The following CARMIL3 variants were observed in gnomAD, a reference collection of about 807,000 sequenced individuals.
CARMIL3 encodes capping protein, Arp2/3 and myosin-I linker protein 3.
CARMIL3 carries 88 observed loss-of-function variants against 180.8 expected under a neutral mutation model. The observed-to-expected ratio is 0.49, with a 90% confidence interval of 0.41 to 0.58. The LOEUF (loss-of-function observed/expected upper bound fraction) is 0.58, where lower values mean the gene tolerates loss of function less well. CARMIL3 is among the 20% of genes least tolerant of loss of function. The pLI is 0.00. For synonymous variants in CARMIL3, 696 were observed against 714.5 expected (o/e 0.97, Z 0.41); for missense variants, 1,548 against 1,787.0 (o/e 0.87, Z 2.41).
chr14:24,061,691 G>A lies in CARMIL3; in HGVS notation c.2480+19G>A. Reference sequence around the variant, plus strand: ...AGCTGGAGTGAGAGGCAAAGGGCAGGGCTGGGGCTGAGCTGGATTTGGCCC... The same window carrying A: ...AGCTGGAGTGAGAGGCAAAGGGCAGAGCTGGGGCTGAGCTGGATTTGGCCC... On this transcript the variant is annotated intron_variant, in intron 27 of 39. Transcript: ENST00000342740. The surrounding 1 kb of genome is among the most constrained non-coding windows in gnomAD (Gnocchi z 4.1). The A allele has an allele frequency of 6.2e-7, 1 of 1,606,924 alleles. No homozygotes were observed. The highest frequency in any genetic ancestry group is 8.5e-7 in the Non-Finnish European group (1 of 1,175,526).
At chr14:24,052,598 C>T (rs73603036) in intron 1 of CARMIL3, among the ~76,000 whole-genome samples, 3 of 152,324 alleles carry the variant, frequency 2.0e-5, no homozygotes, top group African/African-American at 7.2e-5. Flanking sequence ...CTGACCGCTG[C>T]GTGGCTTAAC....
rs749822575 is a variant in CARMIL3 at position 24,058,790 on chromosome 14, G to T, written c.1474+29G>T. ...AGTAGTGGTTCCTCCCTTCCCTGGG[G>T]CCAGGGGAGAACAGGGGCCTGGAGC... On this transcript the variant is annotated intron_variant, in intron 18 of 39. Transcript: ENST00000342740. The surrounding 1 kb of genome is among the most constrained non-coding windows in gnomAD (Gnocchi z 6.4). 6.2e-6 allele frequency: 10 copies of T among 1,612,612 alleles called. No individual in the cohort carries two copies. The South Asian group carries it at 6.6e-5, about 11-fold the overall frequency.
rs1158002306 is a variant in CARMIL3 at position 24,064,276 on chromosome 14, G to T, written c.3010G>T (p.Gly1004Trp). The change falls in exon 32 of 40, where the codon GGG becomes TGG. Residue 1004 changes from glycine (G) to tryptophan (W), a missense_variant. Physicochemically the swap from Gly to Trp is radical, Grantham distance 184. Around this residue, in one of 4 missense-constraint regions of CARMIL3, gnomAD observed 668 missense variants for 687.8 expected, o/e 0.97. Coordinates refer to ENST00000342740, the MANE Select transcript of CARMIL3 (RefSeq NM_138360.4). ...AGCACCTGGGACTCGTCAGGAGAAT[G>T]GGATGGCCACCCGCCTGGATGAAGG... Reference protein sequence around the residue: ...MPAPGTRQENGMATRLDEGLE... With the variant: ...MPAPGTRQENWMATRLDEGLE... 1 of 1,612,906 alleles carries T rather than the reference G, an allele frequency of 6.2e-7. No individual in the cohort carries two copies. Among genetic ancestry groups the T allele is most frequent in the Non-Finnish European group, 8.5e-7 (1 of 1,179,496 alleles).
Position 24,065,113 on chromosome 14 carries a change from T to TGCCCA in CARMIL3, c.3236_3237insGCCCA (p.Pro1081ThrfsTer149). 7.0e-7 allele frequency: 1 copy of TGCCCA among 1,435,696 alleles called. No individual in the cohort carries two copies. Among genetic ancestry groups the TGCCCA allele is most frequent in the Non-Finnish European group, 9.3e-7 (1 of 1,070,216 alleles). The allele number at this position is 1,435,696 out of a possible 1,614,324, so 88.9% of individuals were successfully genotyped here. On this transcript the variant is annotated frameshift_variant, in exon 33 of 40. Coordinates refer to ENST00000342740, the MANE Select transcript of CARMIL3 (RefSeq NM_138360.4). LOFTEE classifies it high-confidence loss of function. ...GGGTCCCCTACCACTGGACTCCTCCTCCCTCCACCCCCACCCCCTCCCCCG... is the reference window on the plus strand; with the variant it reads ...GGGTCCCCTACCACTGGACTCCTCCTGCCCACCCTCCACCCCCACCCCCTCCCCCG...
chr14:24,054,507 C>T lies in CARMIL3; in HGVS notation c.358C>T (p.Pro120Ser). 1.9e-6 allele frequency: 3 copies of T among 1,610,474 alleles called. No homozygotes were observed. Among genetic ancestry groups the T allele is most frequent in the Non-Finnish European group, 2.5e-6 (3 of 1,179,756 alleles). The change falls in exon 5 of 40, where the codon CCT becomes TCT. Residue 120 changes from proline to serine, a missense_variant. Physicochemically the swap from Pro to Ser is moderately conservative, Grantham distance 74 (BLOSUM62 -1). Around this residue, in one of 4 missense-constraint regions of CARMIL3, gnomAD observed 578 missense variants for 666.5 expected, o/e 0.87. Transcript: ENST00000342740. The surrounding 1 kb of genome is among the most constrained non-coding windows in gnomAD (Gnocchi z 5.1). Reference sequence around the variant, plus strand: ...TGCCCTGTCCAAGGTCTGCCCTGGCCCTGGGTGAGTGGCAAATAAGGGGTC... The same window carrying T: ...TGCCCTGTCCAAGGTCTGCCCTGGCTCTGGGTGAGTGGCAAATAAGGGGTC... Reference protein sequence around the residue: ...SSALSKVCPGPGCLIRRGNAD... With the variant: ...SSALSKVCPGSGCLIRRGNAD...
chr14:24,065,810 C>G, intron 34 of CARMIL3, 60 bp downstream of exon 34: 1 of 1,579,468 alleles, frequency 6.3e-7, no homozygotes, highest in Non-Finnish European at 8.6e-7. Flanking sequence ...ACCACCCTCT[C>G]CTTCCCACTC....
chr14:24,060,381 TG>T, intron 24 of CARMIL3, 126 bp downstream of exon 24: 1 of 1,189,114 alleles, frequency 8.4e-7, no homozygotes. Flanking sequence ...ACTGAGCATG[TG>T]GGGAAGCAAA....
rs2035678295 is a variant in CARMIL3 at position 24,056,982 on chromosome 14, C to T, written c.1020C>T (p.Asp340=). 2.5e-6 allele frequency: 4 copies of T among 1,614,034 alleles called. No homozygotes were observed. The highest frequency in any genetic ancestry group is 3.4e-6 in the Non-Finnish European group (4 of 1,179,960). Reference sequence around the variant, plus strand: ...TTGCCAGCTCCCTTCGATACCTGGACCTGAGCAAGAATCCTGGGCTCCTCG... The same window carrying T: ...TTGCCAGCTCCCTTCGATACCTGGATCTGAGCAAGAATCCTGGGCTCCTCG... ...PAFASSLRYL[D]LSKNPGLLAT... is the part of the protein sequence containing the mutation. The change falls in exon 13 of 40, where the codon GAC becomes GAT. Residue 340 remains aspartate (D), a synonymous_variant. Coordinates refer to ENST00000342740, the MANE Select transcript of CARMIL3 (RefSeq NM_138360.4).
In CARMIL3 at chr14:24,063,379, G is replaced by A. The variant is rs754086997; in HGVS notation, c.2825G>A (p.Gly942Asp). Residue 942 changes from glycine (G) to aspartate (D), a missense_variant, in exon 31 of 40, where the codon GGC becomes GAC. Coordinates refer to ENST00000342740, the MANE Select transcript of CARMIL3 (RefSeq NM_138360.4). ...SQLGNLGIPPGWFSGLGGSQP... is the reference protein window; with the variant it reads ...SQLGNLGIPPDWFSGLGGSQP... ...CTGGGGAATCTGGGGATCCCCCCTG[G>A]CTGGTTCTCAGGACTTGGGGGCAGC... 6 of 1,612,680 alleles carry A rather than the reference G, an allele frequency of 3.7e-6. No individual in the cohort carries two copies. The East Asian group carries it at 8.9e-5, about 24-fold the overall frequency.
intron 2 of CARMIL3, 136 bp from the exon 3 acceptor site, chr14:24,053,952 G>T: frequency 8.5e-7 from 1 of 1,175,056 alleles, no homozygotes; most frequent in African/African-American, 1.5e-5. Flanking sequence ...GCTGGACTGT[G>T]TTGATGTCCA....
rs1417846397 is a variant in CARMIL3 at position 24,057,869 on chromosome 14, T to A, written c.1207T>A (p.Cys403Ser). 6.2e-7 allele frequency: 1 copy of A among 1,612,430 alleles called. No individual in the cohort carries two copies. Among genetic ancestry groups the A allele is most frequent in the South Asian group, 1.1e-5 (1 of 91,032 alleles). Residue 403 changes from cysteine to serine, a missense_variant, in exon 15 of 40, where the codon TGC (cysteine) becomes AGC (serine). Transcript: ENST00000342740. The part of the protein sequence containing the change: ...LTYLNLARNS[C>S]SHRKGREAPP... ...CTACCTCAACCTGGCTCGCAACAGC[T>A]GCTCCCACAGGTGGGAGAGGAGGGG...
chr14:24,052,327 T>A, intron 1 of CARMIL3, 134 bp downstream of exon 1: 5 of 847,172 alleles, frequency 5.9e-6, no homozygotes, highest in Non-Finnish European at 8.6e-6. Flanking sequence ...AGGCAGCCCC[T>A]GCATTCCAGT....
chr14:24,056,983 C>T lies in CARMIL3; in HGVS notation c.1021C>T (p.Leu341=), dbSNP rs2035678325. The T allele has an allele frequency of 6.2e-7, 1 of 1,614,024 alleles. No individual in the cohort carries two copies. The highest frequency in any genetic ancestry group is 8.5e-7 in the Non-Finnish European group (1 of 1,179,958). ...TGCCAGCTCCCTTCGATACCTGGAC[C>T]TGAGCAAGAATCCTGGGCTCCTCGC... The part of the protein sequence containing the change: ...AFASSLRYLD[L]SKNPGLLATD... Residue 341 remains leucine, a synonymous_variant, in exon 13 of 40, where the codon CTG becomes TTG. Transcript: ENST00000342740.
chr14:24,067,559 C>T (rs1286706736), intron 36 of CARMIL3, among the ~76,000 whole-genome samples: 11 of 152,242 alleles, frequency 7.2e-5, no homozygotes. Context: ...GCCCCTCTCT[C>T]CCCTGTAGTG....
At position 24,052,146 on chromosome 14, in the gene CARMIL3, C is replaced by T. The variant is rs564783998; in HGVS notation, c.-8C>T. 5.7e-6 allele frequency: 9 copies of T among 1,577,760 alleles called. No homozygotes were observed. In the South Asian group the frequency reaches 8.1e-5, roughly 14 times the overall value. On this transcript the variant is annotated 5_prime_UTR_variant, in exon 1 of 40. Coordinates refer to ENST00000342740, the MANE Select transcript of CARMIL3 (RefSeq NM_138360.4). The stretch of plus-strand genomic sequence containing the variant: ...TCCTCTGCAGCAGCCTCAGCAGCAG[C>T]GGCCGCCATGGCCAAGCCCAGCGTG...
In CARMIL3 at chr14:24,065,708, G is replaced by A; in HGVS notation, c.3483G>A (p.Gly1161=). 14 of 1,614,112 alleles carry A rather than the reference G, an allele frequency of 8.7e-6. No homozygotes were observed. Among genetic ancestry groups the A allele is most frequent in the Non-Finnish European group, 1.2e-5 (14 of 1,179,970 alleles). The change falls in exon 34 of 40, where the codon GGG becomes GGA. Residue 1161 remains glycine (G), a synonymous_variant. Coordinates refer to ENST00000342740, the MANE Select transcript of CARMIL3 (RefSeq NM_138360.4). The stretch of plus-strand genomic sequence containing the variant: ...GGGTTCACGGTGTTGCCCTTCCCGG[G>A]TTGGAAAGAGCCAAGGGTTGGAGCT... ...QPRVHGVALP[G]LERAKGWSFD...
At chr14:24,066,067 T>G (rs2035784004) in intron 34 of CARMIL3, among the ~76,000 whole-genome samples, 1 of 152,254 alleles carries the variant, frequency 6.6e-6, no homozygotes. Flanking sequence ...ATTACTTACA[T>G]AGTATTTTTA....
Position 24,060,649 on chromosome 14 carries a change from C to G in CARMIL3, c.2083C>G (p.Arg695Gly). The G allele has an allele frequency of 6.2e-7, 1 of 1,613,924 alleles. No individual in the cohort carries two copies. The highest frequency in any genetic ancestry group is 8.5e-7 in the Non-Finnish European group (1 of 1,179,984). The change falls in exon 25 of 40, where the codon CGA becomes GGA. Residue 695 changes from arginine (R) to glycine (G), a missense_variant. Arg to Gly is a moderately radical substitution (Grantham distance 125). This residue lies in a region of CARMIL3 where 297 missense variants were observed against 415.9 expected (regional missense o/e 0.71). Coordinates refer to ENST00000342740, the MANE Select transcript of CARMIL3 (RefSeq NM_138360.4). ...CCAGATGCTGCAGCGGCTGTGTGGA[C>G]GAGTGCAGGAGGAGGTGCGGGCCCT... ...AEQMLQRLCG[R>G]VQEEVRALRL...
At position 24,061,288 on chromosome 14, in the gene CARMIL3, G is replaced by T. The variant is rs1448666225; in HGVS notation, c.2305-209G>T. The T allele has an allele frequency of 6.3e-6, 4 of 634,896 alleles. No homozygotes were observed. The highest frequency in any genetic ancestry group is 3.7e-5 in the African/African-American group (2 of 54,480). 39.3% of individuals were successfully genotyped at this position (634,896 alleles called of 1,614,324 possible). The stretch of plus-strand genomic sequence containing the variant: ...CTGGATTTGGATCCTTGGACTGACT[G>T]CCCCTGTCTGTATGGTAGGGTGGAA... On this transcript the variant is annotated intron_variant, in intron 26 of 39. Coordinates refer to ENST00000342740, the MANE Select transcript of CARMIL3 (RefSeq NM_138360.4). The surrounding 1 kb of genome is among the most constrained non-coding windows in gnomAD (Gnocchi z 4.1).
Sources: gnomAD v4.1 joint callset for allele counts (sites outside exome capture counted in the v4.1 genomes callset) on GRCh38, gnomAD v4.1.1 for gene constraint, gnomAD v4.1.1 regional missense constraint, Gnocchi (gnomAD v3.1) non-coding constraint, MANE v1.5 for transcripts, NCBI Gene and HGNC (gene_info 2026-07-23, HGNC 2026-07-21) for gene names.